Variants in GPHN observed in about 807,000 individuals in gnomAD.
GPHN encodes the protein gephyrin.
In GPHN, 17 loss-of-function variants were observed where a neutral mutation model predicts 95.5. That is an observed-to-expected ratio of 0.18 (90% confidence interval 0.12 to 0.27). The LOEUF (loss-of-function observed/expected upper bound fraction) is 0.27, where lower values mean the gene tolerates loss of function less well. Ranked by LOEUF, GPHN falls within the 10% of genes least tolerant of loss-of-function variation. The probability of loss-of-function intolerance (pLI) is 1.00; values close to 1 mark genes in which losing one functional copy is unlikely to be tolerated. For missense variants in GPHN, 660 were observed against 978.1 expected, an observed-to-expected ratio of 0.67 and a Z score of 4.34; for synonymous variants, 320 against 322.5, an observed-to-expected ratio of 0.99 and a Z score of 0.08.
intron 4 of GPHN, among the ~76,000 whole-genome samples, chr14:66,846,779 G>A (rs937005235): frequency 6.6e-6 from 1 of 152,108 alleles, no homozygotes; most frequent in Non-Finnish European, 1.5e-5. Context: ...ATAGTAAAGA[G>A]TAGAAAATGG....
At chr14:67,660,071 G>T in the GPHN span, 63 of 785,746 alleles carry the variant, frequency 8.0e-5, 1 homozygote, top group African/African-American at 1.1e-3. Flanking sequence ...ACCATGTCTG[G>T]CATGTTCCCC....
chr14:66,981,167 A>C (rs553923609), intron 9 of GPHN, among the ~76,000 whole-genome samples: 1 of 152,138 alleles, frequency 6.6e-6, no homozygotes, highest in South Asian at 2.1e-4. Context: ...ACTTTCCTTG[A>C]CCTTTTTTAT....
chr14:66,988,828 C>G (rs1037187714), intron 9 of GPHN, among the ~76,000 whole-genome samples: 5 of 151,958 alleles, frequency 3.3e-5, no homozygotes, highest in Non-Finnish European at 5.9e-5. Flanking sequence ...TAAATTACTA[C>G]AGTAATTTAT....
intron 9 of GPHN, among the ~76,000 whole-genome samples, chr14:67,008,322 G>A (rs961055376): frequency 6.6e-6 from 1 of 151,682 alleles, no homozygotes; most frequent in Non-Finnish European, 1.5e-5. Context: ...TGGGTGTGGT[G>A]GTGCGTGCCT....
rs180770208 is a variant in GPHN at position 66,567,264 on chromosome 14, G to A, written c.64+58673G>A. 2.0e-4 allele frequency among the ~76,000 whole-genome samples: 30 copies of A among 152,262 alleles called. No individual in the cohort carries two copies. In the East Asian group the frequency reaches 5.4e-3, roughly 27 times the overall value. ...AGCCTAGAGGCATTATCAGTCTTAGGTCTTTTTAGCAGCGTAGGGGACTTT... is the reference window on the plus strand; with the variant it reads ...AGCCTAGAGGCATTATCAGTCTTAGATCTTTTTAGCAGCGTAGGGGACTTT... On this transcript the variant is annotated intron_variant, in intron 1 of 22. Coordinates refer to ENST00000478722, the MANE Select transcript of GPHN (RefSeq NM_020806.5).
chr14:66,919,445 G>T (rs1339495414), intron 6 of GPHN, among the ~76,000 whole-genome samples: 1 of 152,182 alleles, frequency 6.6e-6, no homozygotes, highest in African/African-American at 2.4e-5. Context: ...CAGTGGTGGG[G>T]TCACCGAAGC....
At chr14:67,581,801 G>C in the GPHN span, 1 of 400,828 alleles carries the variant, frequency 2.5e-6, no homozygotes, top group Non-Finnish European at 4.6e-6. Flanking sequence ...ATAACTCCAG[G>C]TACCAGATTT....
chr14:66,913,705 G>A (rs2065783229), intron 5 of GPHN, among the ~76,000 whole-genome samples: 1 of 151,988 alleles, frequency 6.6e-6, no homozygotes, highest in Non-Finnish European at 1.5e-5. Context: ...TGTTGTAGTT[G>A]TTTATATGCT....
the GPHN span, among the ~76,000 whole-genome samples, chr14:67,560,576 A>C: frequency 6.6e-6 from 1 of 151,994 alleles, no homozygotes; most frequent in Non-Finnish European, 1.5e-5. Context: ...TTCCCTCTCT[A>C]TCTATCCATT....
At chr14:67,047,334 T>TTTGTGTGTGTGTGTGTG (rs2075075686) in intron 10 of GPHN, among the ~76,000 whole-genome samples, 3 of 109,708 alleles carry the variant, frequency 2.7e-5, no homozygotes, top group African/African-American at 1.1e-4. Flanking sequence ...GTGTGTGTGT[T>TTTGTGTGTGTGTGTGTG]TGTGTGTGTG....
chr14:66,814,317 A>G (rs1016884731), intron 3 of GPHN, among the ~76,000 whole-genome samples: 1 of 152,176 alleles, frequency 6.6e-6, no homozygotes, highest in Non-Finnish European at 1.5e-5. Context: ...CCAGTGCAAC[A>G]GCACAGTCTC....
At chr14:67,289,216 C>T in the GPHN span, among the ~76,000 whole-genome samples, 1 of 152,088 alleles carries the variant, frequency 6.6e-6, no homozygotes, top group Non-Finnish European at 1.5e-5. Context: ...GATCCACCTG[C>T]CTCAGCCTCC....
In GPHN at chr14:67,088,977, C is replaced by G; in HGVS notation, c.1145-6C>G. The G allele has an allele frequency of 1.3e-6, 2 of 1,544,224 alleles. No individual in the cohort carries two copies. Among genetic ancestry groups the G allele is most frequent in the Non-Finnish European group, 9.0e-7 (1 of 1,116,202 alleles). On this transcript the variant is annotated splice_polypyrimidine_tract_variant and splice_region_variant and intron_variant, in intron 11 of 22. Coordinates refer to ENST00000478722, the MANE Select transcript of GPHN (RefSeq NM_020806.5). Reference sequence around the variant, plus strand: ...TTTACATTTTCCTTCTTTTCTCTTCCTTCAGATGGAATGGGGCGAGTCCTT... The same window carrying G: ...TTTACATTTTCCTTCTTTTCTCTTCGTTCAGATGGAATGGGGCGAGTCCTT...
chr14:67,222,494 T>C, the GPHN span, among the ~76,000 whole-genome samples: 15 of 152,310 alleles, frequency 9.8e-5, no homozygotes, highest in East Asian at 2.1e-3. Context: ...CAGGATGGTC[T>C]CGAACTCCTG....
At chr14:67,340,091 C>A in the GPHN span, 3 of 168,846 alleles carry the variant, frequency 1.8e-5, no homozygotes, top group Non-Finnish European at 3.8e-5. Flanking sequence ...GTAATGAGTT[C>A]TCTCTATTAC....
chr14:66,647,081 T>A (rs977151760), intron 1 of GPHN, among the ~76,000 whole-genome samples: 6 of 74,188 alleles, frequency 8.1e-5, no homozygotes, highest in South Asian at 4.5e-4. Flanking sequence ...TTTTTAATAT[T>A]TTTTTTTAAA....
At chr14:67,666,983 G>A in the GPHN span, among the ~76,000 whole-genome samples, 1 of 152,152 alleles carries the variant, frequency 6.6e-6, no homozygotes, top group African/African-American at 2.4e-5. Flanking sequence ...CAAACAGCAA[G>A]GTGGCATCCT....
intron 1 of GPHN, among the ~76,000 whole-genome samples, chr14:66,621,167 G>C (rs1405526975): frequency 6.6e-6 from 1 of 151,076 alleles, no homozygotes; most frequent in Non-Finnish European, 1.5e-5. Context: ...AGTAGAGATG[G>C]GGTTTCACTG....
At chr14:67,405,224 CAAAAAAAAAAAA>C in the GPHN span, among the ~76,000 whole-genome samples, 2 of 40,482 alleles carry the variant, frequency 4.9e-5, no homozygotes, top group South Asian at 1.6e-3. Flanking sequence ...GAGTCCATCT[CAAAAAAAAAAAA>C]AAAAAAAAAA....
Sources: allele counts gnomAD v4.1 joint callset (sites outside exome capture counted in the v4.1 genomes callset), GRCh38; gene constraint gnomAD v4.1.1; transcripts MANE v1.5; gene names NCBI Gene and HGNC (gene_info 2026-07-23, HGNC 2026-07-21).